The following PHF11 variants were observed in gnomAD, a reference collection of about 807,000 sequenced individuals.
PHF11 encodes PHD finger protein 11, also known as BRCA1 C-terminus-associated protein.
A neutral mutation model predicts 40.5 loss-of-function variants in PHF11; 38 were observed. That is an observed-to-expected ratio of 0.94 (90% CI 0.72 to 1.23). PHF11 has a LOEUF of 1.23. PHF11 is among the 50% of genes most tolerant of loss of function. The pLI, the probability that PHF11 is intolerant of heterozygous loss-of-function variation, is 0.00. For missense variants in PHF11, 369 were observed against 392.4 expected (o/e 0.94, Z 0.50); for synonymous variants, 127 against 138.2 (o/e 0.92, Z 0.57).
Position 49,528,616 on chromosome 13 carries a change from A to C in PHF11, c.947A>C (p.Asn316Thr). Reference sequence around the variant, plus strand: ...CAAACCTTGTGCTCTTTTCAAGAAAATAGAGATCTTATGTCAAGTTCTACA... The same window carrying C: ...CAAACCTTGTGCTCTTTTCAAGAAACTAGAGATCTTATGTCAAGTTCTACA... ...LKQTLCSFQE[N>T]RDLMSSSTSI... Residue 316 changes from asparagine to threonine, a missense_variant, in exon 10 of 10, where the codon AAT becomes ACT. Coordinates refer to ENST00000378319, the MANE Select transcript of PHF11 (RefSeq NM_001040443.3). 1 of 1,611,698 alleles carries C rather than the reference A, an allele frequency of 6.2e-7. No homozygotes were observed. The highest frequency in any genetic ancestry group is 8.5e-7 in the Non-Finnish European group (1 of 1,178,170).
At chr13:49,515,048 A>T (rs1959134011) in intron 3 of PHF11, among the ~76,000 whole-genome samples, 1 of 152,164 alleles carries the variant, frequency 6.6e-6, no homozygotes, top group African/African-American at 2.4e-5. Flanking sequence ...AGGCTGAGAA[A>T]TGAGGGCAGT....
intron 5 of PHF11, chr13:49,521,572 G>C: frequency 1.4e-6 from 1 of 733,060 alleles, no homozygotes; most frequent in Non-Finnish European, 1.7e-6. Flanking sequence ...AGCAGGAAAG[G>C]CTATTACAGA....
At chr13:49,503,579 C>T (rs1566186612) in intron 1 of PHF11, among the ~76,000 whole-genome samples, 1 of 152,188 alleles carries the variant, frequency 6.6e-6, no homozygotes, top group East Asian at 1.9e-4. Flanking sequence ...ATGCTTTAAG[C>T]ACAGAATACA....
At position 49,528,564 on chromosome 13, in the gene PHF11, G is replaced by A. The variant is rs763297347; in HGVS notation, c.895G>A (p.Glu299Lys). Residue 299 changes from glutamate to lysine, a missense_variant, in exon 10 of 10, where the codon GAG becomes AAG. By Grantham distance (56) the Glu-to-Lys change is moderately conservative. Transcript: ENST00000378319. ...ACAAAGGTGGCAGCAGTTGAAGGAAGAGATTGAGCTACTTCAGGACTTAAA... is the reference window on the plus strand; with the variant it reads ...ACAAAGGTGGCAGCAGTTGAAGGAAAAGATTGAGCTACTTCAGGACTTAAA... Reference protein sequence around the residue: ...SQQRWQQLKEEIELLQDLKQT... With the variant: ...SQQRWQQLKEKIELLQDLKQT... 2.5e-6 allele frequency: 4 copies of A among 1,611,510 alleles called. No individual in the cohort carries two copies. Among genetic ancestry groups the A allele is most frequent in the Non-Finnish European group, 3.4e-6 (4 of 1,178,066 alleles).
intron 1 of PHF11, among the ~76,000 whole-genome samples, chr13:49,501,815 C>T (rs756268214): frequency 4.6e-5 from 7 of 152,000 alleles, no homozygotes; most frequent in Non-Finnish European, 8.8e-5. Context: ...CTCAGCCTCC[C>T]GAGTAGCTGG....
At chr13:49,518,926 C>T (rs1345925837) in intron 4 of PHF11, 1 of 151,074 alleles carries the variant, frequency 6.6e-6, no homozygotes, top group Non-Finnish European at 1.5e-5. Context: ...AGCTCCGCCT[C>T]CCGGGTTCAC....
chr13:49,515,721 T>C lies in PHF11; in HGVS notation c.325-2297T>C, dbSNP rs532665119. ...CCATCTTGTTCTCTAAAGCGAGTAC[T>C]GACACTCGCCCGACTGTCTCTCCTG... On this transcript the variant is annotated intron_variant, in intron 3 of 9. Transcript: ENST00000378319. 5.9e-5 allele frequency among the ~76,000 whole-genome samples: 9 copies of C among 152,230 alleles called. 1 individual carries two copies. The South Asian group carries it at 1.7e-3, about 28-fold the overall frequency.
At chr13:49,502,512 C>T (rs1453787913) in intron 1 of PHF11, among the ~76,000 whole-genome samples, 1 of 152,056 alleles carries the variant, frequency 6.6e-6, no homozygotes, top group Non-Finnish European at 1.5e-5. Context: ...AGGGTTAATA[C>T]CCTGACTGTT....
At chr13:49,521,040 C>T (rs1959185354) in intron 5 of PHF11, 100 bp downstream of exon 5, 3 of 1,428,754 alleles carry the variant, frequency 2.1e-6, no homozygotes, top group Non-Finnish European at 2.8e-6. Context: ...AATTAAAATA[C>T]AAATGTTTGA....
At chr13:49,497,327 A>G (rs1198518123) in intron 1 of PHF11, 1 of 599,490 alleles carries the variant, frequency 1.7e-6, no homozygotes, top group Non-Finnish European at 2.8e-6. Context: ...TGTCCCAAAG[A>G]GAATTCTTGT....
chr13:49,506,761 G>A lies in PHF11; in HGVS notation c.216+5G>A. 1.2e-6 allele frequency: 2 copies of A among 1,603,766 alleles called. No homozygotes were observed. Among genetic ancestry groups the A allele is most frequent in the Non-Finnish European group, 1.7e-6 (2 of 1,172,620 alleles). On this transcript the variant is annotated splice_donor_5th_base_variant and intron_variant, in intron 2 of 9. Transcript: ENST00000378319. ...GCTGCTCATGAGAATTGTTTGGTAA[G>A]TTACTTGAAAACATACTTCAAAGTA...
At chr13:49,507,827 C>A (rs1256189416) in intron 2 of PHF11, among the ~76,000 whole-genome samples, 1 of 152,120 alleles carries the variant, frequency 6.6e-6, no homozygotes, top group East Asian at 1.9e-4. Flanking sequence ...TATGAAAATG[C>A]TATGCCTTTT....
chr13:49,522,785 G>A (rs1959195670), intron 6 of PHF11, among the ~76,000 whole-genome samples: 6 of 119,356 alleles, frequency 5.0e-5, no homozygotes, highest in Admixed American at 5.0e-4. Flanking sequence ...TTTTTTTTGA[G>A]ACAGAGTCTC....
chr13:49,526,233 C>T (rs887743082), intron 8 of PHF11, 154 bp from the exon 9 acceptor site: 15 of 604,956 alleles, frequency 2.5e-5, no homozygotes, highest in Non-Finnish European at 4.5e-5. Flanking sequence ...GACAGCTTCC[C>T]TGTAGTGCTG....
At position 49,502,098 on chromosome 13, in the gene PHF11, G is replaced by A. The variant is rs1471656466; in HGVS notation, c.95-4537G>A. Among the ~76,000 whole-genome samples, 5 of 152,150 alleles carry A rather than the reference G, an allele frequency of 3.3e-5. No individual in the cohort carries two copies. In the South Asian group the frequency reaches 6.2e-4, roughly 19 times the overall value. On this transcript the variant is annotated intron_variant, in intron 1 of 9. Coordinates refer to ENST00000378319, the MANE Select transcript of PHF11 (RefSeq NM_001040443.3). ...GAGGATCACTTGAGCCTAGGAGTTC[G>A]AAACCATCCTGGACAACATGGCAAG... is the stretch of plus-strand genomic sequence containing the variant.
At chr13:49,501,016 G>GTTT (rs1566185405) in intron 1 of PHF11, among the ~76,000 whole-genome samples, 1 of 77,532 alleles carries the variant, frequency 1.3e-5, no homozygotes, top group Non-Finnish European at 2.3e-5. Context: ...TTTTTTTTTT[G>GTTT]GTTTTTTTTT....
At chr13:49,525,721 G>T in intron 8 of PHF11, 1 of 428,946 alleles carries the variant, frequency 2.3e-6, no homozygotes, top group African/African-American at 2.1e-5. Context: ...TAAATAGTAA[G>T]CATTTCCAAA....
At chr13:49,502,313 A>G (rs969298271) in intron 1 of PHF11, among the ~76,000 whole-genome samples, 6 of 147,132 alleles carry the variant, frequency 4.1e-5, no homozygotes, top group African/African-American at 1.6e-4. Context: ...AAATAAATAA[A>G]TTGATTAATT....
At chr13:49,506,884 A>C in intron 2 of PHF11, 128 bp downstream of exon 2, 1 of 290,016 alleles carries the variant, frequency 3.4e-6, no homozygotes, top group South Asian at 5.3e-5. Flanking sequence ...TTAGGTGAAG[A>C]TTGGGGAGCA....
Sources: gnomAD v4.1 joint callset for allele counts (sites outside exome capture counted in the v4.1 genomes callset) on GRCh38, gnomAD v4.1.1 for gene constraint, MANE v1.5 for transcripts, NCBI Gene and HGNC (gene_info 2026-07-23, HGNC 2026-07-21) for gene names.